ZCCHC4: variants seen among roughly 807,000 people sequenced by gnomAD.
ZCCHC4 encodes the protein zinc finger CCHC-type containing 4.
Under a neutral mutation model 67.7 loss-of-function variants are expected in ZCCHC4, and 54 were observed. That is an observed-to-expected ratio of 0.80 (90% CI 0.64 to 1.00). The LOEUF is 1.00. ZCCHC4 is among the 50% of genes least tolerant of loss of function. The pLI, the probability that ZCCHC4 is intolerant of heterozygous loss-of-function variation, is 0.00. For missense variants in ZCCHC4, 609 were observed against 617.0 expected (o/e 0.99, Z 0.14); for synonymous variants, 198 against 213.5 (o/e 0.93, Z 0.63).
Position 25,362,212 on chromosome 4 carries a change from G to C in ZCCHC4, c.1134-14G>C. On this transcript the variant is annotated splice_polypyrimidine_tract_variant and intron_variant, in intron 9 of 12. Transcript: ENST00000302874. ...ATAAATGTATGCAGCTGATTTCTCTGTCCTTTACTCTAGATTTTGCTCTCC... is the reference window on the plus strand; with the variant it reads ...ATAAATGTATGCAGCTGATTTCTCTCTCCTTTACTCTAGATTTTGCTCTCC... The C allele has an allele frequency of 6.2e-7, 1 of 1,602,606 alleles. No homozygotes were observed. The highest frequency in any genetic ancestry group is 1.1e-5 in the South Asian group (1 of 89,804).
At chr4:25,356,151 A>G (rs1486588363) in intron 8 of ZCCHC4, among the ~76,000 whole-genome samples, 3 of 152,236 alleles carry the variant, frequency 2.0e-5, no homozygotes, top group African/African-American at 4.8e-5. Context: ...CCTCATTTCT[A>G]TACAGTACTT....
At chr4:25,368,732 G>A (rs1287407503) in intron 12 of ZCCHC4, among the ~76,000 whole-genome samples, 1 of 152,190 alleles carries the variant, frequency 6.6e-6, no homozygotes, top group Non-Finnish European at 1.5e-5. Flanking sequence ...TTTTTAAAAA[G>A]TCCAATCTCA....
chr4:25,344,679 G>A (rs1719919083), intron 5 of ZCCHC4, among the ~76,000 whole-genome samples: 1 of 151,274 alleles, frequency 6.6e-6, no homozygotes, highest in African/African-American at 2.4e-5. Flanking sequence ...AATTCAATCA[G>A]TAAATAAATA....
chr4:25,323,240 G>C (rs1718678368), intron 3 of ZCCHC4, among the ~76,000 whole-genome samples: 1 of 152,128 alleles, frequency 6.6e-6, no homozygotes, highest in South Asian at 2.1e-4. Flanking sequence ...CTGTAAAAAA[G>C]AACTTTGTTT....
At chr4:25,345,967 G>A (rs1719988921) in intron 6 of ZCCHC4, among the ~76,000 whole-genome samples, 2 of 152,100 alleles carry the variant, frequency 1.3e-5, no homozygotes. Flanking sequence ...CTGGTCAGAC[G>A]CCTTTCCACC....
At chr4:25,358,248 T>G (rs1720589554) in intron 8 of ZCCHC4, among the ~76,000 whole-genome samples, 1 of 152,212 alleles carries the variant, frequency 6.6e-6, no homozygotes, top group Admixed American at 6.5e-5. Context: ...CATCTCCATT[T>G]TTTACCTTAT....
At chr4:25,334,067 C>T in intron 5 of ZCCHC4, 79 bp downstream of exon 5, 1 of 956,818 alleles carries the variant, frequency 1.0e-6, no homozygotes, top group Non-Finnish European at 1.5e-6. Flanking sequence ...ATTGTTTATA[C>T]TCTGTTACAA....
intron 3 of ZCCHC4, among the ~76,000 whole-genome samples, chr4:25,326,776 T>G (rs1424590826): frequency 6.6e-6 from 1 of 152,166 alleles, no homozygotes; most frequent in East Asian, 1.9e-4. Flanking sequence ...ATAGATACAT[T>G]TGGGGAGAAT....
At chr4:25,353,992 C>T (rs893255467) in intron 8 of ZCCHC4, among the ~76,000 whole-genome samples, 7 of 152,166 alleles carry the variant, frequency 4.6e-5, no homozygotes, top group African/African-American at 1.7e-4. Flanking sequence ...AAAGTAATTA[C>T]AGTTTTTGCC....
chr4:25,354,374 G>C (rs1424278485), intron 8 of ZCCHC4, among the ~76,000 whole-genome samples: 1 of 152,172 alleles, frequency 6.6e-6, no homozygotes, highest in African/African-American at 2.4e-5. Context: ...GTGTCTGACA[G>C]GCTAAAAAGC....
chr4:25,328,887 A>G (rs949961414), intron 3 of ZCCHC4, among the ~76,000 whole-genome samples: 2 of 152,188 alleles, frequency 1.3e-5, no homozygotes, highest in Non-Finnish European at 2.9e-5. Context: ...CTGGACTATC[A>G]TTGATTTTAA....
In ZCCHC4 at chr4:25,369,622, C is replaced by T. The variant is rs572050234; in HGVS notation, c.*458C>T. On this transcript the variant is annotated 3_prime_UTR_variant, in exon 13 of 13. Transcript: ENST00000302874. ...CTAATTTTTGTATTTTTAGTAGAGA[C>T]GGGGTTTCACCATGTTGGCCAGGCT... 17 of 156,834 alleles carry T rather than the reference C, an allele frequency of 1.1e-4. No individual in the cohort carries two copies. Among genetic ancestry groups the T allele is most frequent in the South Asian group, 1.9e-4 (1 of 5,198 alleles). The allele number at this position is 156,834 out of a possible 1,614,324, so 9.7% of individuals were successfully genotyped here. A position where few individuals can be genotyped will look rare whatever the true frequency, so the allele number is the denominator to read the frequency against.
In ZCCHC4 at chr4:25,361,960, T is replaced by G; in HGVS notation, c.1113T>G (p.Leu371=). ...ACATTCCGCCCAACAAAATAATCCT[T>G]CCTACTGAAGAAGGGTACAGGTAAG... ...FTNIPPNKII[L]PTEEGYRFCS... is the part of the protein sequence containing the mutation. Residue 371 remains leucine (L), a synonymous_variant, in exon 9 of 13, where the codon CTT becomes CTG. Transcript: ENST00000302874. The G allele has an allele frequency of 6.8e-6, 11 of 1,614,020 alleles. No homozygotes were observed. The highest frequency in any genetic ancestry group is 9.3e-6 in the Non-Finnish European group (11 of 1,179,960).
At position 25,369,052 on chromosome 4, in the gene ZCCHC4, G is replaced by GA. The variant is rs1560420083; in HGVS notation, c.1435dup (p.Ser479LysfsTer2). 1 of 1,611,160 alleles carries GA rather than the reference G, an allele frequency of 6.2e-7. No homozygotes were observed. Among genetic ancestry groups the GA allele is most frequent in the East Asian group, 2.2e-5 (1 of 44,762 alleles). ...AGAGCTGTCAGAAAGCAGAAGCAAA[G>GA]AAAAAGTAATAAGATGAAAATGGAG... On this transcript the variant is annotated frameshift_variant, in exon 13 of 13. Coordinates refer to ENST00000302874, the MANE Select transcript of ZCCHC4 (RefSeq NM_024936.3). LOFTEE classifies it high-confidence loss of function.
intron 12 of ZCCHC4, among the ~76,000 whole-genome samples, chr4:25,367,961 AG>A (rs1721013020): frequency 6.6e-6 from 1 of 152,232 alleles, no homozygotes; most frequent in African/African-American, 2.4e-5. Flanking sequence ...CACCTAAAAA[AG>A]TAGGGATAGA....
chr4:25,318,251 T>C (rs1046822846), intron 3 of ZCCHC4, among the ~76,000 whole-genome samples: 5 of 151,610 alleles, frequency 3.3e-5, no homozygotes, highest in Admixed American at 3.3e-4. Flanking sequence ...GTGATTTAAT[T>C]AAACTCTGTA....
chr4:25,327,966 A>T (rs537013176), intron 3 of ZCCHC4, among the ~76,000 whole-genome samples: 1 of 152,266 alleles, frequency 6.6e-6, no homozygotes, highest in African/African-American at 2.4e-5. Flanking sequence ...AGCTTTTTAT[A>T]TATTGCTGGT....
At chr4:25,366,183 CA>C (rs1357617785) in intron 12 of ZCCHC4, 27 of 981,256 alleles carry the variant, frequency 2.8e-5, no homozygotes, top group Non-Finnish European at 3.3e-5. Context: ...GTGGTCTAGC[CA>C]CTTGAATTCT....
intron 6 of ZCCHC4, among the ~76,000 whole-genome samples, chr4:25,346,240 A>T (rs949092621): frequency 1.2e-5 from 1 of 80,924 alleles, no homozygotes; most frequent in South Asian, 3.5e-4. Flanking sequence ...AAAGTTCTTT[A>T]AAAAAAAAAA....
Sources: gnomAD v4.1 joint callset for allele counts (sites outside exome capture counted in the v4.1 genomes callset) on GRCh38, gnomAD v4.1.1 for gene constraint, MANE v1.5 for transcripts, NCBI Gene and HGNC (gene_info 2026-07-23, HGNC 2026-07-21) for gene names.